TMEM232: variants seen among roughly 807,000 people sequenced by gnomAD.
TMEM232 encodes transmembrane protein 232.
In TMEM232, 80 loss-of-function variants were observed where a neutral mutation model predicts 78.8. The observed-to-expected ratio is 1.01, with a 90% CI of 0.85 to 1.22. The LOEUF is 1.22. Among genes scored for constraint, TMEM232 ranks in the 50% most tolerant of loss-of-function variants. The probability of loss-of-function intolerance (pLI) is 0.00; values close to 1 mark genes in which losing one functional copy is unlikely to be tolerated. For synonymous variants in TMEM232, 297 were observed against 254.3 expected, an observed-to-expected ratio of 1.17 and a Z score of -1.60; for missense variants, 881 against 742.2, an observed-to-expected ratio of 1.19 and a Z score of -2.17.
chr5:110,442,044 A>G (rs1043845481), intron 12 of TMEM232, among the ~76,000 whole-genome samples: 2 of 152,026 alleles, frequency 1.3e-5, no homozygotes, highest in African/African-American at 4.8e-5. Flanking sequence ...CTTTTAGGAC[A>G]CTTTCATTAT....
intron 12 of TMEM232, among the ~76,000 whole-genome samples, chr5:110,446,933 T>C (rs1759713336): frequency 6.6e-6 from 1 of 151,892 alleles, no homozygotes; most frequent in African/African-American, 2.4e-5. Context: ...TGATCTTTAG[T>C]AACCTGAGTC....
chr5:110,395,325 G>A (rs1755344214), intron 3 of TMEM232, among the ~76,000 whole-genome samples: 1 of 152,260 alleles, frequency 6.6e-6, no homozygotes, highest in Admixed American at 6.5e-5. Flanking sequence ...GATCTTCTGT[G>A]TGAACAGAAA....
intron 10 of TMEM232, among the ~76,000 whole-genome samples, chr5:110,596,306 T>C (rs1456258130): frequency 6.6e-6 from 1 of 152,132 alleles, no homozygotes; most frequent in African/African-American, 2.4e-5. Context: ...CTCCCAAGAC[T>C]AAACCAGGAA....
intron 1 of TMEM232, among the ~76,000 whole-genome samples, chr5:110,725,103 G>A (rs1393565280): frequency 1.3e-5 from 2 of 152,158 alleles, no homozygotes; most frequent in Non-Finnish European, 2.9e-5. Context: ...AAAATAAAAA[G>A]TGTGATATAT....
intron 12 of TMEM232, among the ~76,000 whole-genome samples, chr5:110,505,936 T>C (rs1188461951): frequency 6.6e-6 from 1 of 152,208 alleles, no homozygotes; most frequent in Non-Finnish European, 1.5e-5. Flanking sequence ...GAAGGAAGTA[T>C]GAAAAGTGAA....
At chr5:110,531,347 C>T (rs1771439342) in intron 11 of TMEM232, among the ~76,000 whole-genome samples, 1 of 152,228 alleles carries the variant, frequency 6.6e-6, no homozygotes, top group East Asian at 1.9e-4. Context: ...GGTGCTGTGA[C>T]TCGGATTGGG....
chr5:110,657,677 T>C (rs1389535529), intron 2 of TMEM232, among the ~76,000 whole-genome samples: 1 of 152,086 alleles, frequency 6.6e-6, no homozygotes, highest in African/African-American at 2.4e-5. Flanking sequence ...TCGTGTTCTA[T>C]TACACAGTAG....
chr5:110,514,507 T>A (rs1183643126), intron 12 of TMEM232, among the ~76,000 whole-genome samples: 1 of 152,124 alleles, frequency 6.6e-6, no homozygotes, highest in Non-Finnish European at 1.5e-5. Context: ...TCTTTTTCTA[T>A]ATCCTCAGGA....
intron 8 of TMEM232, among the ~76,000 whole-genome samples, chr5:110,618,216 G>A (rs552600437): frequency 6.6e-6 from 1 of 152,172 alleles, no homozygotes; most frequent in Non-Finnish European, 1.5e-5. Flanking sequence ...GTGTATGCGT[G>A]CACATCTAGC....
chr5:110,463,135 G>A (rs1009092930), intron 12 of TMEM232, among the ~76,000 whole-genome samples: 2 of 152,100 alleles, frequency 1.3e-5, no homozygotes, highest in Non-Finnish European at 2.9e-5. Flanking sequence ...ATCTTTCATT[G>A]TGGCGACTTT....
In TMEM232 at chr5:110,724,684, C is replaced by A. The variant is rs115243067; in HGVS notation, c.-13+1943G>T. The stretch of plus-strand genomic sequence containing the variant: ...ATTTAACTGGCCTTCTGCAGAAAGG[C>A]ATCCTAAAAGATAAATCAACTATTT... On this transcript the variant is annotated intron_variant, in intron 1 of 13. Transcript: ENST00000455884. Among the ~76,000 whole-genome samples the A allele has an allele frequency of 3.2e-3, 481 of 151,470 alleles. 1 individual carries two copies. Among genetic ancestry groups the A allele is most frequent in the Non-Finnish European group, 5.4e-3 (369 of 68,012 alleles).
At position 110,642,309 on chromosome 5, in the gene TMEM232, T is replaced by C. The variant is rs1460404931; in HGVS notation, c.188A>G (p.Glu63Gly). The change falls in exon 3 of 14, where the codon GAG becomes GGG. Residue 63 changes from glutamate (E) to glycine (G), a missense_variant. Transcript: ENST00000455884. The stretch of plus-strand genomic sequence containing the variant: ...AGCTAGTTCCAACAATTCTTCCTTC[T>C]CTTTGGAATTTTGTGTTTGATTGAA... ...LRFNQTQNSK[E>G]KEELLELARK... 6.5e-7 allele frequency: 1 copy of C among 1,540,468 alleles called. No individual in the cohort carries two copies. Among genetic ancestry groups the C allele is most frequent in the Non-Finnish European group, 8.7e-7 (1 of 1,143,124 alleles).
At chr5:110,627,717 C>T (rs1784601577) in intron 6 of TMEM232, 64 bp downstream of exon 6, 6 of 1,117,192 alleles carry the variant, frequency 5.4e-6, no homozygotes, top group African/African-American at 3.3e-5. Context: ...TTTATAGTGA[C>T]AGTCTGAGCT....
chr5:110,538,305 C>G (rs1426010359), intron 11 of TMEM232, among the ~76,000 whole-genome samples: 2 of 152,088 alleles, frequency 1.3e-5, no homozygotes, highest in African/African-American at 4.8e-5. Flanking sequence ...GCTCCAAAAG[C>G]TACTGATGGG....
intron 1 of TMEM232, among the ~76,000 whole-genome samples, chr5:110,722,583 C>G (rs1797756144): frequency 6.6e-6 from 1 of 152,130 alleles, no homozygotes; most frequent in Non-Finnish European, 1.5e-5. Context: ...GCTGGCTTCC[C>G]CCAGAGAGAA....
At chr5:110,576,372 A>G (rs1777574712) in intron 10 of TMEM232, among the ~76,000 whole-genome samples, 1 of 152,126 alleles carries the variant, frequency 6.6e-6, no homozygotes, top group African/African-American at 2.4e-5. Flanking sequence ...CCACTGCTCA[A>G]AGGAATCAAA....
intron 2 of TMEM232, among the ~76,000 whole-genome samples, chr5:110,656,725 C>T (rs1413382559): frequency 6.6e-6 from 1 of 151,878 alleles, no homozygotes; most frequent in East Asian, 1.9e-4. Flanking sequence ...GTAGTCCCAG[C>T]TACTCAGGAG....
chr5:110,669,419 G>C (rs1212949433), intron 1 of TMEM232, among the ~76,000 whole-genome samples: 3 of 152,114 alleles, frequency 2.0e-5, no homozygotes, highest in African/African-American at 4.8e-5. Flanking sequence ...ACCCTCCCAA[G>C]ACTAAACCAG....
chr5:110,690,024 A>C (rs549014417), intron 1 of TMEM232, among the ~76,000 whole-genome samples: 1 of 152,242 alleles, frequency 6.6e-6, no homozygotes, highest in Admixed American at 6.5e-5. Context: ...ACCTAAAACC[A>C]TAAAAACCTT....
Sources: allele counts gnomAD v4.1 joint callset (sites outside exome capture counted in the v4.1 genomes callset), GRCh38; gene constraint gnomAD v4.1.1; transcripts MANE v1.5; gene names NCBI Gene and HGNC (gene_info 2026-07-23, HGNC 2026-07-21).